The following TTC17 variants were observed in gnomAD, a reference collection of about 807,000 sequenced individuals.
TTC17 encodes tetratricopeptide repeat protein 17.
TTC17 carries 58 observed loss-of-function variants against 143.8 expected under a neutral mutation model. The ratio of observed to expected loss-of-function variants is 0.40; its 90% CI spans 0.33 to 0.50. TTC17 has a LOEUF of 0.50. TTC17 is among the 20% of genes least tolerant of loss of function. The probability of loss-of-function intolerance (pLI) is 0.49; values close to 1 mark genes in which losing one functional copy is unlikely to be tolerated. For synonymous variants in TTC17, 501 were observed against 497.8 expected (o/e 1.01, Z -0.09); for missense variants, 1,273 against 1,392.5 (o/e 0.91, Z 1.37).
At chr11:43,416,676 A>AT (rs1232708655) in intron 16 of TTC17, among the ~76,000 whole-genome samples, 2 of 152,184 alleles carry the variant, frequency 1.3e-5, no homozygotes, top group South Asian at 2.1e-4. Context: ...TGGAAACACA[A>AT]TTTTTTTTAA....
intron 14 of TTC17, 52 bp downstream of exon 14, chr11:43,407,267 TA>T (rs761550732): frequency 6.4e-7 from 1 of 1,557,348 alleles, no homozygotes; most frequent in Non-Finnish European, 8.7e-7. Flanking sequence ...TAATTATAAG[TA>T]AAAGTTAAAA....
chr11:43,388,974 CAA>C (rs760116786), intron 2 of TTC17, among the ~76,000 whole-genome samples: 20 of 119,776 alleles, frequency 1.7e-4, no homozygotes, highest in Non-Finnish European at 1.1e-4. Context: ...GACCCTGTCT[CAA>C]AAAAAAAAAA....
intron 9 of TTC17, among the ~76,000 whole-genome samples, chr11:43,400,549 C>T (rs561769505): frequency 1.8e-4 from 27 of 152,206 alleles, no homozygotes; most frequent in Non-Finnish European, 4.0e-4. Context: ...ATCCATACTC[C>T]TTTTTTTCTT....
intron 11 of TTC17, among the ~76,000 whole-genome samples, chr11:43,404,823 T>C (rs1858036903): frequency 6.6e-6 from 1 of 152,162 alleles, no homozygotes; most frequent in Admixed American, 6.6e-5. Context: ...ATCTTATTTA[T>C]TTTTAGAGAA....
chr11:43,403,931 A>C (rs763128492), intron 10 of TTC17, 67 bp from the exon 11 acceptor site: 23 of 1,382,952 alleles, frequency 1.7e-5, no homozygotes, highest in Non-Finnish European at 1.8e-5. Flanking sequence ...TTTTGGTGTG[A>C]GTTAAATTAT....
At chr11:43,458,831 T>C (rs1947811170) in intron 21 of TTC17, among the ~76,000 whole-genome samples, 1 of 152,190 alleles carries the variant, frequency 6.6e-6, no homozygotes, top group Admixed American at 6.5e-5. Flanking sequence ...GCAGACCACA[T>C]CCACACAACT....
chr11:43,474,710 A>G (rs1049624613), intron 21 of TTC17, among the ~76,000 whole-genome samples: 2 of 152,182 alleles, frequency 1.3e-5, no homozygotes, highest in Admixed American at 6.5e-5. Context: ...TCCACATATA[A>G]CTTTTGACTC....
intron 16 of TTC17, among the ~76,000 whole-genome samples, chr11:43,441,191 A>G (rs1023188489): frequency 1.4e-5 from 2 of 146,044 alleles, no homozygotes; most frequent in African/African-American, 5.5e-5. Context: ...GAATCACTTG[A>G]TCCCAGGAGG....
intron 21 of TTC17, among the ~76,000 whole-genome samples, chr11:43,461,480 T>C (rs1284944732): frequency 2.0e-5 from 3 of 151,288 alleles, no homozygotes; most frequent in East Asian, 3.9e-4. Context: ...CTTAGAATTC[T>C]AAACCAGCCA....
At chr11:43,359,516 C>A (rs1479694098) in intron 1 of TTC17, among the ~76,000 whole-genome samples, 2 of 152,194 alleles carry the variant, frequency 1.3e-5, no homozygotes, top group Non-Finnish European at 2.9e-5. Flanking sequence ...GGTGGCAGCT[C>A]CAGGGTGTGC....
chr11:43,447,721 A>G, intron 18 of TTC17: 1 of 280,868 alleles, frequency 3.6e-6, no homozygotes, highest in African/African-American at 2.2e-5. Context: ...TTAACATTGA[A>G]GAATGCCTTA....
intron 1 of TTC17, among the ~76,000 whole-genome samples, chr11:43,372,634 G>C (rs1181908814): frequency 1.1e-4 from 17 of 151,976 alleles, no homozygotes; most frequent in Admixed American, 1.0e-3. Context: ...GGGATTATAA[G>C]CATGTGCCAC....
intron 21 of TTC17, among the ~76,000 whole-genome samples, chr11:43,484,610 A>G (rs375874841): frequency 1.3e-5 from 2 of 152,202 alleles, no homozygotes; most frequent in Non-Finnish European, 2.9e-5. Flanking sequence ...AGGTCTTTAT[A>G]TGGAAAGGTA....
intron 21 of TTC17, among the ~76,000 whole-genome samples, chr11:43,459,594 A>G (rs1323192131): frequency 6.6e-6 from 1 of 152,214 alleles, no homozygotes; most frequent in Non-Finnish European, 1.5e-5. Flanking sequence ...CAATCAGGGA[A>G]TGATACCCTT....
intron 16 of TTC17, among the ~76,000 whole-genome samples, chr11:43,422,905 A>G (rs1946940350): frequency 6.6e-6 from 1 of 152,166 alleles, no homozygotes; most frequent in Non-Finnish European, 1.5e-5. Context: ...TGTTTTTGTT[A>G]TTCTAAAAAT....
At chr11:43,464,869 G>A (rs1947940562) in intron 21 of TTC17, among the ~76,000 whole-genome samples, 1 of 152,164 alleles carries the variant, frequency 6.6e-6, no homozygotes, top group South Asian at 2.1e-4. Flanking sequence ...CTGCTGAGAA[G>A]GGAAGGACAG....
chr11:43,389,447 G>A (rs1277802215), intron 2 of TTC17, among the ~76,000 whole-genome samples: 2 of 152,140 alleles, frequency 1.3e-5, no homozygotes, highest in Non-Finnish European at 2.9e-5. Context: ...TATGATAAAT[G>A]TTGTGTTCTG....
At chr11:43,444,025 C>T in intron 17 of TTC17, 31 bp from the exon 18 acceptor site, 4 of 1,580,430 alleles carry the variant, frequency 2.5e-6, no homozygotes, top group Non-Finnish European at 3.4e-6. Context: ...TCACTGGTCT[C>T]ATTTGTCCCT....
intron 1 of TTC17, among the ~76,000 whole-genome samples, chr11:43,370,824 GTTTT>G (rs1164004852): frequency 6.6e-6 from 1 of 151,182 alleles, no homozygotes; most frequent in Non-Finnish European, 1.5e-5. Context: ...TTGTTTGTTT[GTTTT>G]AAGATGGAGT....
Sources: gnomAD v4.1 joint callset for allele counts (sites outside exome capture counted in the v4.1 genomes callset) on GRCh38, gnomAD v4.1.1 for gene constraint, MANE v1.5 for transcripts, NCBI Gene and HGNC (gene_info 2026-07-23, HGNC 2026-07-21) for gene names.